Variants in SDE2 observed in about 807,000 individuals in gnomAD.
The protein encoded by SDE2 is spliceosome associated SDE2.
A neutral mutation model predicts 46.9 loss-of-function variants in SDE2; 31 were observed. The ratio of observed to expected loss-of-function variants is 0.66; its 90% CI spans 0.50 to 0.89. SDE2 has a LOEUF of 0.89. SDE2 is among the 40% of genes least tolerant of loss of function. The pLI is 0.00. For synonymous variants in SDE2, 205 were observed against 204.3 expected (o/e 1.00, Z -0.03); for missense variants, 542 against 564.4 (o/e 0.96, Z 0.40).
intron 4 of SDE2, 80 bp from the exon 5 acceptor site, chr1:225,991,443 A>G: frequency 1.8e-6 from 2 of 1,138,418 alleles, no homozygotes; most frequent in Non-Finnish European, 2.5e-6. Context: ...GATTGCAAAA[A>G]GAGCTGCAAT....
chr1:225,986,001 T>C (rs907150722), intron 6 of SDE2, among the ~76,000 whole-genome samples: 3 of 152,166 alleles, frequency 2.0e-5, no homozygotes, highest in African/African-American at 7.2e-5. Context: ...CAAACTCAAA[T>C]GCTGTTCAAT....
At position 225,999,296 on chromosome 1, in the gene SDE2, G is replaced by A. The variant is rs921611345; in HGVS notation, c.17C>T (p.Ala6Val). 4 of 1,611,428 alleles carry A rather than the reference G, an allele frequency of 2.5e-6. No homozygotes were observed. Among genetic ancestry groups the A allele is most frequent in the African/African-American group, 1.3e-5 (1 of 74,958 alleles). The stretch of plus-strand genomic sequence containing the variant: ...GCCAGGGCCGCGAATCCACACCAGC[G>A]CCGCGGCCTCCGCCATGTCACCGAC... MAEAA[A>V]LVWIRGPGFG... The change falls in exon 1 of 7, where the codon GCG becomes GTG. Residue 6 changes from alanine to valine, a missense_variant. By Grantham distance (64) the Ala-to-Val change is moderately conservative. This residue lies in a region of SDE2 where 135 missense variants were observed against 106.5 expected (regional missense o/e 1.27). Coordinates refer to ENST00000272091, the MANE Select transcript of SDE2 (RefSeq NM_152608.4).
chr1:225,992,602 G>C (rs1286108938), intron 3 of SDE2, 35 bp from the exon 4 acceptor site: 3 of 1,351,232 alleles, frequency 2.2e-6, no homozygotes, highest in Non-Finnish European at 2.1e-6. Flanking sequence ...TAACTGAATA[G>C]ATATATTACA....
In SDE2 at chr1:225,984,656, A is replaced by C. The variant is rs1223182196; in HGVS notation, c.*646T>G. The C allele has an allele frequency of 6.6e-6, 1 of 152,118 alleles. No homozygotes were observed. The highest frequency in any genetic ancestry group is 2.4e-5 in the African/African-American group (1 of 41,376). 9.4% of individuals were successfully genotyped at this position (152,118 alleles called of 1,614,324 possible). ...AAACCCAGTCTCCACTAAAAATATA[A>C]AAAATTAGCCGGGCGTGGTGGTGGG... On this transcript the variant is annotated 3_prime_UTR_variant, in exon 7 of 7. Transcript: ENST00000272091.
At position 225,984,997 on chromosome 1, in the gene SDE2, C is replaced by G. The variant is rs537318739; in HGVS notation, c.*305G>C. 14 of 320,820 alleles carry G rather than the reference C, an allele frequency of 4.4e-5. No homozygotes were observed. In the East Asian group the frequency reaches 9.3e-4, roughly 21 times the overall value. 19.9% of individuals were successfully genotyped at this position (320,820 alleles called of 1,614,324 possible). On this transcript the variant is annotated 3_prime_UTR_variant, in exon 7 of 7. Transcript: ENST00000272091. ...AACCTTATGTCTACAAATTTGATAACCTGGGTCAAAAGGATAGATTTCTTG... is the reference window on the plus strand; with the variant it reads ...AACCTTATGTCTACAAATTTGATAAGCTGGGTCAAAAGGATAGATTTCTTG...
chr1:225,986,478 C>T (rs898852539), intron 6 of SDE2, among the ~76,000 whole-genome samples: 10 of 152,116 alleles, frequency 6.6e-5, no homozygotes, highest in African/African-American at 2.4e-4. Context: ...CATACTCTAT[C>T]TTTCTAGTTG....
At position 225,992,995 on chromosome 1, in the gene SDE2, T is replaced by C; in HGVS notation, c.246A>G (p.Gly82=). The C allele has an allele frequency of 1.3e-6, 2 of 1,591,234 alleles. No individual in the cohort carries two copies. Among genetic ancestry groups the C allele is most frequent in the Non-Finnish European group, 1.7e-6 (2 of 1,159,818 alleles). The part of the protein sequence containing the change: ...PRLCGGKGGF[G]SMLRALGAQI... Reference sequence around the variant, plus strand: ...GAGCACCAAGTGCTCGGAGCATAGATCCAAAACCTGAGCAGATGTATTTGG... The same window carrying C: ...GAGCACCAAGTGCTCGGAGCATAGACCCAAAACCTGAGCAGATGTATTTGG... Residue 82 remains glycine, a synonymous_variant, in exon 3 of 7, where the codon GGA becomes GGG. Coordinates refer to ENST00000272091, the MANE Select transcript of SDE2 (RefSeq NM_152608.4).
rs1304240139 is a variant in SDE2 at position 225,992,580 on chromosome 1, G to C, written c.351-13C>G. 1 of 1,575,986 alleles carries C rather than the reference G, an allele frequency of 6.3e-7. No homozygotes were observed. Among genetic ancestry groups the C allele is most frequent in the Non-Finnish European group, 8.7e-7 (1 of 1,153,116 alleles). ...CCATTCAGCCATTCTGGGGATGAGG[G>C]AGGAAGAGATATAACTGAATAGATA... On this transcript the variant is annotated splice_polypyrimidine_tract_variant and intron_variant, in intron 3 of 6. Coordinates refer to ENST00000272091, the MANE Select transcript of SDE2 (RefSeq NM_152608.4).
chr1:225,988,217 T>C lies in SDE2; in HGVS notation c.813A>G (p.Val271=). The change falls in exon 6 of 7, where the codon GTA becomes GTG. Residue 271 remains valine, a synonymous_variant. Coordinates refer to ENST00000272091, the MANE Select transcript of SDE2 (RefSeq NM_152608.4). ...CTGGTGATCCATGGTCTGTATTCAC[T>C]ACTCTCGCCCTCTGAGAACCACTGG... The part of the protein sequence containing the change: ...KFPSGSQRAR[V]VNTDHGSPEQ... The C allele has an allele frequency of 2.5e-6, 4 of 1,614,164 alleles. No homozygotes were observed. The South Asian group carries it at 4.4e-5, about 18-fold the overall frequency.
At chr1:225,998,005 C>T (rs1401445263) in intron 1 of SDE2, among the ~76,000 whole-genome samples, 3 of 151,878 alleles carry the variant, frequency 2.0e-5, no homozygotes, top group African/African-American at 7.3e-5. Context: ...CGGGCGACTG[C>T]AATCCCAGCT....
intron 6 of SDE2, 75 bp from the exon 7 acceptor site, chr1:225,985,598 A>G: frequency 1.1e-6 from 1 of 909,496 alleles, no homozygotes; most frequent in South Asian, 1.5e-5. Flanking sequence ...TGTCAACTAC[A>G]TTTCTTGAGA....
At chr1:225,996,286 T>C (rs1656522660) in intron 1 of SDE2, among the ~76,000 whole-genome samples, 1 of 152,196 alleles carries the variant, frequency 6.6e-6, no homozygotes, top group Admixed American at 6.6e-5. Flanking sequence ...AAACATTAAA[T>C]GAGATATGTA....
chr1:225,993,128 TTTA>T (rs1656442153), intron 2 of SDE2, 126 bp from the exon 3 acceptor site: 4 of 520,908 alleles, frequency 7.7e-6, no homozygotes, highest in Non-Finnish European at 1.4e-5. Context: ...TTTTTTTTTT[TTTA>T]AGAAAAGATG....
At chr1:225,985,561 C>A in intron 6 of SDE2, 38 bp from the exon 7 acceptor site, 2 of 1,307,684 alleles carry the variant, frequency 1.5e-6, no homozygotes, top group Non-Finnish European at 2.2e-6. Context: ...AAAACAGGCT[C>A]CTTCCTCTGA....
At chr1:225,986,860 AGG>A (rs1656280850) in intron 6 of SDE2, among the ~76,000 whole-genome samples, 1 of 152,194 alleles carries the variant, frequency 6.6e-6, no homozygotes, top group African/African-American at 2.4e-5. Context: ...TACTGGGGGC[AGG>A]GGAAGGTGCT....
intron 3 of SDE2, 38 bp downstream of exon 3, chr1:225,992,853 T>C (rs552303547): frequency 1.5e-4 from 177 of 1,164,788 alleles, no homozygotes; most frequent in Non-Finnish European, 2.2e-4. Context: ...AAAGTATATG[T>C]CTCTCCTCAA....
In SDE2 at chr1:225,999,282, G is replaced by A. The variant is rs746511692; in HGVS notation, c.31C>T (p.Arg11Cys). 11 of 1,612,114 alleles carry A rather than the reference G, an allele frequency of 6.8e-6. No individual in the cohort carries two copies. Among genetic ancestry groups the A allele is most frequent in the Non-Finnish European group, 9.3e-6 (11 of 1,179,364 alleles). The stretch of plus-strand genomic sequence containing the variant: ...GCCTTGCACCCGAAGCCAGGGCCGC[G>A]AATCCACACCAGCGCCGCGGCCTCC... The part of the protein sequence containing the change: MAEAAALVWI[R>C]GPGFGCKAVR... The change falls in exon 1 of 7, where the codon CGC becomes TGC. Residue 11 changes from arginine to cysteine, a missense_variant. Physicochemically the swap from Arg to Cys is radical, Grantham distance 180. This residue lies in a region of SDE2 where 135 missense variants were observed against 106.5 expected (regional missense o/e 1.27). Coordinates refer to ENST00000272091, the MANE Select transcript of SDE2 (RefSeq NM_152608.4).
In SDE2 at chr1:225,985,140, G is replaced by C. The variant is rs1401540635; in HGVS notation, c.*162C>G. 3.3e-6 allele frequency: 2 copies of C among 613,914 alleles called. No individual in the cohort carries two copies. The highest frequency in any genetic ancestry group is 5.7e-6 in the Non-Finnish European group (2 of 348,360). The allele number at this position is 613,914 out of a possible 1,614,324, so 38.0% of individuals were successfully genotyped here. ...AAAATTTAAGGCCCAGATGGTTTCA[G>C]ACATTAATTCTACAGCCCTGACAAG... On this transcript the variant is annotated 3_prime_UTR_variant, in exon 7 of 7. Coordinates refer to ENST00000272091, the MANE Select transcript of SDE2 (RefSeq NM_152608.4).
Position 225,999,204 on chromosome 1 carries a change from A to C in SDE2, c.109T>G (p.Cys37Gly). 1 of 1,612,522 alleles carries C rather than the reference A, an allele frequency of 6.2e-7. No homozygotes were observed. Among genetic ancestry groups the C allele is most frequent in the Non-Finnish European group, 8.5e-7 (1 of 1,179,002 alleles). ...CTVRDFIHRH[C>G]QDQNVPVENF... ...ACCGAAATCCTCACCTGATCTTGGCAGTGCCGGTGGATAAAATCCCGGACG... is the reference window on the plus strand; with the variant it reads ...ACCGAAATCCTCACCTGATCTTGGCCGTGCCGGTGGATAAAATCCCGGACG... Residue 37 changes from cysteine to glycine, a missense_variant, in exon 1 of 7, where the codon TGC becomes GGC. By Grantham distance (159) the Cys-to-Gly change is radical. Around this residue, in one of 3 missense-constraint regions of SDE2, gnomAD observed 135 missense variants for 106.5 expected, o/e 1.27. Transcript: ENST00000272091.
Sources: allele counts gnomAD v4.1 joint callset (sites outside exome capture counted in the v4.1 genomes callset), GRCh38; gene constraint gnomAD v4.1.1; regional missense constraint gnomAD v4.1.1; transcripts MANE v1.5; gene names NCBI Gene and HGNC (gene_info 2026-07-23, HGNC 2026-07-21).